PDE4D: variants seen among roughly 807,000 people sequenced by gnomAD.
PDE4D encodes phosphodiesterase 4D.
PDE4D carries 24 observed loss-of-function variants against 87.4 expected under a neutral mutation model. The observed-to-expected ratio is 0.27, with a 90% CI of 0.20 to 0.39. PDE4D has a LOEUF of 0.39. Ranked by LOEUF, PDE4D falls within the 10% of genes least tolerant of loss-of-function variation. The pLI, the probability that PDE4D is intolerant of heterozygous loss-of-function variation, is 1.00. For synonymous variants in PDE4D, 384 were observed against 383.2 expected (o/e 1.00, Z -0.02); for missense variants, 714 against 1,041.0 (o/e 0.69, Z 4.32).
intron 1 of PDE4D, among the ~76,000 whole-genome samples, chr5:59,795,934 T>C (rs753723139): frequency 2.0e-5 from 3 of 152,134 alleles, no homozygotes; most frequent in Non-Finnish European, 2.9e-5. Context: ...GAAGGCACTA[T>C]GAAGAAACAA....
chr5:60,449,695 A>T (rs1237178342), intron 1 of PDE4D, among the ~76,000 whole-genome samples: 1 of 151,388 alleles, frequency 6.6e-6, no homozygotes, highest in African/African-American at 2.4e-5. Flanking sequence ...ATTAGGGATA[A>T]GCTCTTGCTA....
Position 59,260,907 on chromosome 5 carries a change from A to C in PDE4D, c.456-44939T>G, listed in dbSNP as rs758031665. On this transcript the variant is annotated intron_variant, in intron 1 of 14. Coordinates refer to ENST00000340635, the MANE Select transcript of PDE4D (RefSeq NM_001104631.2). Reference sequence around the variant, plus strand: ...CGATTACTGGCTAAAGTTTATAAAAATCATTTATGGAATTTCCCACAATAT... The same window carrying C: ...CGATTACTGGCTAAAGTTTATAAAACTCATTTATGGAATTTCCCACAATAT... Among the ~76,000 whole-genome samples, 20 of 150,170 alleles carry C rather than the reference A, an allele frequency of 1.3e-4. No individual in the cohort carries two copies. In the Middle Eastern group the frequency reaches 0.014, roughly 102 times the overall value.
intron 1 of PDE4D, among the ~76,000 whole-genome samples, chr5:60,252,313 T>C (rs931478317): frequency 1.3e-5 from 2 of 151,850 alleles, no homozygotes; most frequent in Non-Finnish European, 2.9e-5. Flanking sequence ...TATATATTTA[T>C]CATTTATGGA....
intron 3 of PDE4D, among the ~76,000 whole-genome samples, chr5:59,951,094 T>C (rs1758249339): frequency 6.6e-6 from 1 of 152,176 alleles, no homozygotes. Flanking sequence ...AAAGATAATG[T>C]TGTAACATTT....
intron 1 of PDE4D, among the ~76,000 whole-genome samples, chr5:59,426,419 C>T (rs1795216652): frequency 6.6e-6 from 1 of 152,086 alleles, no homozygotes; most frequent in African/African-American, 2.4e-5. Flanking sequence ...TCTTCTGGAT[C>T]TTCGTACCCT....
intron 1 of PDE4D, among the ~76,000 whole-genome samples, chr5:60,502,521 T>C (rs1368261821): frequency 2.0e-5 from 3 of 152,172 alleles, no homozygotes; most frequent in African/African-American, 7.2e-5. Flanking sequence ...TTAAAGTAGT[T>C]TTTTCCAATT....
chr5:58,999,951 G>A (rs1580198552), intron 6 of PDE4D: 1 of 979,484 alleles, frequency 1.0e-6, no homozygotes, highest in Non-Finnish European at 1.2e-6. Flanking sequence ...GCCGGGAAGA[G>A]TGACAAGAAG....
chr5:59,997,302 G>C (rs920214963), intron 2 of PDE4D, among the ~76,000 whole-genome samples: 7 of 152,090 alleles, frequency 4.6e-5, no homozygotes, highest in African/African-American at 1.7e-4. Flanking sequence ...ATGTCTTACA[G>C]TAAGTATAGG....
chr5:60,142,684 T>C (rs1182041163), intron 2 of PDE4D, among the ~76,000 whole-genome samples: 4 of 152,160 alleles, frequency 2.6e-5, no homozygotes, highest in Non-Finnish European at 5.9e-5. Flanking sequence ...GGGAATAAGG[T>C]TGGGGCCAGA....
intron 2 of PDE4D, among the ~76,000 whole-genome samples, chr5:60,029,472 C>A (rs1373029365): frequency 1.3e-5 from 2 of 152,174 alleles, no homozygotes; most frequent in Non-Finnish European, 2.9e-5. Flanking sequence ...TCCCGCCTTT[C>A]CAGACTGAAT....
chr5:59,249,460 G>C (rs2153528316), intron 1 of PDE4D, among the ~76,000 whole-genome samples: 1 of 152,144 alleles, frequency 6.6e-6, no homozygotes, highest in East Asian at 1.9e-4. Context: ...TTTTACTAAG[G>C]AAATATTCAG....
intron 1 of PDE4D, among the ~76,000 whole-genome samples, chr5:59,326,440 C>G (rs374229293): frequency 9.2e-5 from 14 of 151,624 alleles, no homozygotes; most frequent in Admixed American, 6.6e-5. Context: ...AGTAGCCCCC[C>G]CCAAGACACA....
chr5:59,545,427 C>G (rs563097376), intron 1 of PDE4D, among the ~76,000 whole-genome samples: 38 of 152,244 alleles, frequency 2.5e-4, no homozygotes, highest in Admixed American at 1.7e-3. Flanking sequence ...CAGTTTCATT[C>G]TAGGTAGTTC....
At chr5:59,157,255 C>A in intron 5 of PDE4D, 1 of 700,582 alleles carries the variant, frequency 1.4e-6, no homozygotes, top group South Asian at 1.5e-5. Context: ...GCATTGTTTT[C>A]AAAGTGACTA....
chr5:59,459,544 C>A (rs1250935430), intron 1 of PDE4D, among the ~76,000 whole-genome samples: 7 of 152,178 alleles, frequency 4.6e-5, no homozygotes, highest in Non-Finnish European at 1.0e-4. Context: ...AAGCTAATGT[C>A]CAGCCAAGGT....
At chr5:59,813,919 CCT>C (rs1470160305) in intron 1 of PDE4D, among the ~76,000 whole-genome samples, 1 of 151,962 alleles carries the variant, frequency 6.6e-6, no homozygotes, top group Non-Finnish European at 1.5e-5. Flanking sequence ...TTAAAAATTA[CCT>C]CTGAAAGTCT....
chr5:59,481,502 A>T (rs1223426451), intron 1 of PDE4D, among the ~76,000 whole-genome samples: 1 of 151,984 alleles, frequency 6.6e-6, no homozygotes, highest in East Asian at 1.9e-4. Context: ...GTTGAATTAG[A>T]CCCATGGAAC....
chr5:59,556,610 T>C (rs1376744912), intron 1 of PDE4D, among the ~76,000 whole-genome samples: 1 of 152,186 alleles, frequency 6.6e-6, no homozygotes, highest in Non-Finnish European at 1.5e-5. Flanking sequence ...GAAATGGATG[T>C]TGTGTTCTTC....
chr5:60,472,284 G>A (rs149736031), intron 1 of PDE4D, among the ~76,000 whole-genome samples: 231 of 152,108 alleles, frequency 1.5e-3, no homozygotes, highest in African/African-American at 5.3e-3. Flanking sequence ...GAAAACTGAG[G>A]CACAGCCAAC....
Sources: gnomAD v4.1 joint callset for allele counts (sites outside exome capture counted in the v4.1 genomes callset) on GRCh38, gnomAD v4.1.1 for gene constraint, MANE v1.5 for transcripts, NCBI Gene and HGNC (gene_info 2026-07-23, HGNC 2026-07-21) for gene names.